Variants in GRIP1 observed in about 807,000 individuals in gnomAD.
GRIP1 encodes glutamate receptor interacting protein 1, also known as glutamate receptor-interacting protein 1.
A neutral mutation model predicts 129.9 loss-of-function variants in GRIP1; 45 were observed. The ratio of observed to expected loss-of-function variants is 0.35; its 90% confidence interval spans 0.27 to 0.44. The LOEUF is 0.44. GRIP1 is among the 20% of genes least tolerant of loss of function. The pLI, the probability that GRIP1 is intolerant of heterozygous loss-of-function variation, is 1.00. For missense variants in GRIP1, 1,196 were observed against 1,396.8 expected (o/e 0.86, Z 2.29); for synonymous variants, 530 against 520.8 (o/e 1.02, Z -0.24).
intron 14 of GRIP1, among the ~76,000 whole-genome samples, chr12:66,431,977 T>C (rs940755536): frequency 2.6e-5 from 4 of 152,212 alleles, no homozygotes; most frequent in African/African-American, 9.6e-5. Flanking sequence ...GACATTGTTT[T>C]AGTCTTGTGA....
At chr12:67,016,152 C>T (rs1359362843) in intron 1 of GRIP1, among the ~76,000 whole-genome samples, 1 of 152,174 alleles carries the variant, frequency 6.6e-6, no homozygotes, top group African/African-American at 2.4e-5. Flanking sequence ...GAGAGAAAAA[C>T]ACTCTGCTTC....
chr12:66,784,540 G>A (rs540349551), intron 1 of GRIP1, among the ~76,000 whole-genome samples: 5 of 152,154 alleles, frequency 3.3e-5, no homozygotes, highest in Admixed American at 6.5e-5. Context: ...GTCCATGCTC[G>A]TAATGACTAC....
chr12:66,729,533 G>T (rs1370527105), intron 1 of GRIP1, among the ~76,000 whole-genome samples: 3 of 152,128 alleles, frequency 2.0e-5, no homozygotes, highest in African/African-American at 7.2e-5. Context: ...TAAGTAATTT[G>T]TTCATGGTCG....
intron 1 of GRIP1, among the ~76,000 whole-genome samples, chr12:66,627,271 A>C (rs977937296): frequency 2.0e-5 from 3 of 152,172 alleles, no homozygotes; most frequent in African/African-American, 7.2e-5. Context: ...CACAACAACC[A>C]AGTCTACCAA....
At chr12:66,616,524 G>C (rs912399411) in intron 1 of GRIP1, among the ~76,000 whole-genome samples, 1 of 151,892 alleles carries the variant, frequency 6.6e-6, no homozygotes, top group African/African-American at 2.4e-5. Flanking sequence ...CTTTTGAAGG[G>C]GAGACCTGGT....
intron 2 of GRIP1, among the ~76,000 whole-genome samples, chr12:66,578,888 C>CTTTGAAGAGTCAGTGGTTTGAAG (rs2063250812): frequency 6.6e-6 from 1 of 152,194 alleles, no homozygotes; most frequent in African/African-American, 2.4e-5. Flanking sequence ...CCCTGTCTGA[C>CTTTGAAGAGTCAGTGGTTTGAAG]AGCTTTGAAG....
At chr12:66,846,600 A>G (rs549121105) in intron 1 of GRIP1, among the ~76,000 whole-genome samples, 5 of 152,324 alleles carry the variant, frequency 3.3e-5, no homozygotes, top group African/African-American at 1.2e-4. Context: ...GGAGGCTATG[A>G]ATATGTTTCT....
At chr12:66,977,050 T>C (rs2042162689) in intron 1 of GRIP1, among the ~76,000 whole-genome samples, 1 of 152,104 alleles carries the variant, frequency 6.6e-6, no homozygotes, top group Non-Finnish European at 1.5e-5. Context: ...TGATTGAAAA[T>C]ACAATTTCGG....
chr12:67,054,229 C>A (rs941751575), intron 1 of GRIP1, among the ~76,000 whole-genome samples: 11 of 152,210 alleles, frequency 7.2e-5, no homozygotes, highest in East Asian at 1.9e-4. Flanking sequence ...ATCTGCAAAT[C>A]ATTTCTCTTA....
At chr12:66,802,131 A>G (rs945837631) in intron 1 of GRIP1, among the ~76,000 whole-genome samples, 4 of 152,058 alleles carry the variant, frequency 2.6e-5, no homozygotes, top group African/African-American at 9.7e-5. Context: ...GTATTATATG[A>G]CTTATCTTCT....
upstream of GRIP1, among the ~76,000 whole-genome samples, chr12:66,682,221 T>C (rs987392836): frequency 3.9e-5 from 6 of 152,174 alleles, no homozygotes; most frequent in Admixed American, 3.3e-4. Flanking sequence ...GAAAAACTAG[T>C]GCCTATCACC....
chr12:66,353,570 A>T lies in GRIP1; in HGVS notation c.3013-7T>A. The stretch of plus-strand genomic sequence containing the variant: ...AGTCCTTGTACAAGGTCACCTGAAG[A>T]GAGAAAATGGGATGTGAATATTTAG... On this transcript the variant is annotated splice_region_variant and splice_polypyrimidine_tract_variant and intron_variant, in intron 23 of 24. Coordinates refer to ENST00000359742, the MANE Select transcript of GRIP1 (RefSeq NM_001366722.1). 6.2e-7 allele frequency: 1 copy of T among 1,613,684 alleles called. No homozygotes were observed. The highest frequency in any genetic ancestry group is 2.2e-5 in the East Asian group (1 of 44,880).
chr12:66,362,400 G>A (rs147395762), intron 23 of GRIP1, among the ~76,000 whole-genome samples: 247 of 149,342 alleles, frequency 1.7e-3, no homozygotes, highest in South Asian at 5.6e-3. Flanking sequence ...TGATCCACCC[G>A]CCTTGGCCTC....
At chr12:66,404,690 T>C (rs1299343180) in intron 16 of GRIP1, among the ~76,000 whole-genome samples, 1 of 152,198 alleles carries the variant, frequency 6.6e-6, no homozygotes, top group East Asian at 1.9e-4. Flanking sequence ...AGTTGTTCTA[T>C]GAAAACAAAA....
intron 1 of GRIP1, among the ~76,000 whole-genome samples, chr12:66,852,923 G>A (rs1288052948): frequency 6.6e-6 from 1 of 151,860 alleles, no homozygotes; most frequent in East Asian, 1.9e-4. Context: ...TGCCTTTGGA[G>A]AATAGACTCA....
intron 1 of GRIP1, among the ~76,000 whole-genome samples, chr12:66,765,422 ATCT>A (rs1407916069): frequency 3.3e-5 from 5 of 152,314 alleles, no homozygotes; most frequent in African/African-American, 4.8e-5. Flanking sequence ...AGAAGAAAAG[ATCT>A]TCTTCCTTTG....
intron 3 of GRIP1, 36 bp from the exon 4 acceptor site, chr12:66,539,259 C>A (rs879228253): frequency 6.2e-7 from 1 of 1,613,416 alleles, no homozygotes; most frequent in Non-Finnish European, 8.5e-7. Context: ...ACAGACCCAC[C>A]CTCTCCATAG....
At chr12:66,463,639 A>C (rs2059200030) in intron 8 of GRIP1, among the ~76,000 whole-genome samples, 1 of 152,208 alleles carries the variant, frequency 6.6e-6, no homozygotes, top group African/African-American at 2.4e-5. Context: ...TCTGGAGTTG[A>C]ACATGTATTA....
chr12:66,979,790 G>C (rs1237741424), intron 1 of GRIP1, among the ~76,000 whole-genome samples: 1 of 152,166 alleles, frequency 6.6e-6, no homozygotes, highest in African/African-American at 2.4e-5. Context: ...GCCATGTGAT[G>C]AGAGGCAGAA....
Sources: allele counts gnomAD v4.1 joint callset (sites outside exome capture counted in the v4.1 genomes callset), GRCh38; gene constraint gnomAD v4.1.1; transcripts MANE v1.5; gene names NCBI Gene and HGNC (gene_info 2026-07-23, HGNC 2026-07-21).